FILIP1L: variants seen among roughly 807,000 people sequenced by gnomAD.
The protein encoded by FILIP1L is filamin A-interacting protein 1-like.
Under a neutral mutation model 96.6 loss-of-function variants are expected in FILIP1L, and 55 were observed. That is an observed-to-expected ratio of 0.57 (90% CI 0.46 to 0.71). FILIP1L has a LOEUF of 0.71. FILIP1L is among the 30% of genes least tolerant of loss of function. The pLI is 0.00. For missense variants in FILIP1L, 1,304 were observed against 1,321.2 expected (o/e 0.99, Z 0.20); for synonymous variants, 467 against 473.9 (o/e 0.99, Z 0.19).
chr3:100,088,965 A>C (rs1360137391), intron 1 of FILIP1L, among the ~76,000 whole-genome samples: 1 of 152,136 alleles, frequency 6.6e-6, no homozygotes, highest in East Asian at 1.9e-4. Flanking sequence ...CACTGTTTGC[A>C]TGTACTTGAA....
At chr3:99,858,241 G>A (rs1006447309) in intron 4 of FILIP1L, among the ~76,000 whole-genome samples, 11 of 152,084 alleles carry the variant, frequency 7.2e-5, no homozygotes, top group East Asian at 1.9e-4. Context: ...TGAGGCAGGC[G>A]GATCATGAGG....
intron 1 of FILIP1L, among the ~76,000 whole-genome samples, chr3:99,952,379 T>C (rs1708203028): frequency 6.6e-6 from 1 of 152,216 alleles, no homozygotes; most frequent in Non-Finnish European, 1.5e-5. Context: ...CTTCTGCCAG[T>C]CATTATGTCT....
intron 1 of FILIP1L, among the ~76,000 whole-genome samples, chr3:100,000,576 G>T (rs183635440): frequency 2.6e-5 from 4 of 152,194 alleles, no homozygotes; most frequent in African/African-American, 7.2e-5. Context: ...CTGACCAGGC[G>T]CAGTAGCTTA....
At chr3:99,984,986 A>G (rs1469391775) in intron 1 of FILIP1L, among the ~76,000 whole-genome samples, 2 of 152,210 alleles carry the variant, frequency 1.3e-5, no homozygotes, top group East Asian at 3.8e-4. Flanking sequence ...GAAATGAGAT[A>G]ACTCGTGTTA....
At position 100,062,093 on chromosome 3, in the gene FILIP1L, C is replaced by CTTTTTTTTTTTTT. The variant is rs71907944; in HGVS notation, c.-11+51947_-11+51959dup. Among the ~76,000 whole-genome samples, 60 of 53,178 alleles carry CTTTTTTTTTTTTT rather than the reference C, an allele frequency of 1.1e-3. 16 individuals carry two copies. The highest frequency in any genetic ancestry group is 2.1e-3 in the African/African-American group (24 of 11,244). The allele number at this position is 53,178 out of a possible 152,430, so 34.9% of individuals were successfully genotyped here. ...CCACTTGTGGTTATCCTGTCTTCTT[C>CTTTTTTTTTTTTT]TTTTTTTTTTTTTTTTTTTTTTTTT... On this transcript the variant is annotated intron_variant, in intron 1 of 5. Transcript: ENST00000477258.
chr3:99,966,337 T>C (rs1254825256), intron 1 of FILIP1L, among the ~76,000 whole-genome samples: 1 of 152,130 alleles, frequency 6.6e-6, no homozygotes, highest in East Asian at 1.9e-4. Context: ...TCCTTTCTGT[T>C]TCTTTCATAG....
rs2065961992 is a variant in FILIP1L, at chr3:100,083,495, G to C, written c.-11+30558C>G. ...TCCGTCTGATTCTAATGCACAGCGA[G>C]ATTTCAGAACCATTGTTTCAGACCA... On this transcript the variant is annotated intron_variant, in intron 1 of 5. Transcript: ENST00000477258. 2.0e-5 allele frequency among the ~76,000 whole-genome samples: 3 copies of C among 152,168 alleles called. No homozygotes were observed. The South Asian group carries it at 6.2e-4, about 32-fold the overall frequency.
intron 1 of FILIP1L, among the ~76,000 whole-genome samples, chr3:100,016,998 A>G (rs571482720): frequency 1.3e-5 from 2 of 152,318 alleles, no homozygotes; most frequent in African/African-American, 4.8e-5. Context: ...TTGAACAGTA[A>G]TGGAGATCTT....
intron 5 of FILIP1L, among the ~76,000 whole-genome samples, chr3:99,840,469 G>A (rs1943086517): frequency 6.6e-6 from 1 of 152,040 alleles, no homozygotes; most frequent in South Asian, 2.1e-4. Context: ...TGATCTGCCC[G>A]CTTTGGCCTC....
intron 1 of FILIP1L, among the ~76,000 whole-genome samples, chr3:100,035,685 C>A (rs1330313696): frequency 2.0e-5 from 3 of 152,144 alleles, no homozygotes; most frequent in South Asian, 2.1e-4. Context: ...TTTTATCATT[C>A]TGATATAGGG....
chr3:100,021,966 A>T lies in FILIP1L; in HGVS notation c.-10-90936T>A, dbSNP rs946923965. Among the ~76,000 whole-genome samples the T allele has an allele frequency of 7.5e-3, 837 of 112,268 alleles. 6 individuals carry two copies. The highest frequency in any genetic ancestry group is 0.021 in the African/African-American group (607 of 29,584). 73.7% of individuals were successfully genotyped at this position (112,268 alleles called of 152,430 possible). The stretch of plus-strand genomic sequence containing the variant: ...GTGTGTGTGTGTGTGTGTGTGAGAG[A>T]GAGAGAGAGAGAGAGAGAGAGAGAG... On this transcript the variant is annotated intron_variant, in intron 1 of 5. Transcript: ENST00000477258.
chr3:100,011,065 G>T (rs1290979214), intron 1 of FILIP1L, among the ~76,000 whole-genome samples: 1 of 152,010 alleles, frequency 6.6e-6, no homozygotes, highest in East Asian at 1.9e-4. Flanking sequence ...ATGGTACCAG[G>T]GCTTGTGGTC....
chr3:99,995,948 G>A lies in FILIP1L; in HGVS notation c.-10-64918C>T, dbSNP rs374082098. Among the ~76,000 whole-genome samples the A allele has an allele frequency of 3.1e-4, 47 of 152,332 alleles. No individual in the cohort carries two copies. In the East Asian group the frequency reaches 8.7e-3, roughly 28 times the overall value. ...TGGAGGGGCTTGTGTGAAGACCTCT[G>A]ACATGCCCTGGAGACATTTTCCCCA... On this transcript the variant is annotated intron_variant, in intron 1 of 5. Coordinates refer to ENST00000477258, the MANE Select transcript of FILIP1L (RefSeq NM_001387850.1).
At chr3:99,911,615 A>G (rs1346060197) in intron 4 of FILIP1L, among the ~76,000 whole-genome samples, 3 of 152,022 alleles carry the variant, frequency 2.0e-5, no homozygotes, top group African/African-American at 7.2e-5. Context: ...CTGTGAGTGC[A>G]TTTCTCTGCC....
intron 4 of FILIP1L, among the ~76,000 whole-genome samples, chr3:99,880,054 G>A (rs1003764923): frequency 1.3e-5 from 2 of 152,134 alleles, no homozygotes; most frequent in Non-Finnish European, 2.9e-5. Flanking sequence ...CCATGGATCC[G>A]ATCCTGTGCT....
intron 1 of FILIP1L, among the ~76,000 whole-genome samples, chr3:99,947,368 T>C (rs1576593225): frequency 6.6e-6 from 1 of 152,228 alleles, no homozygotes; most frequent in Admixed American, 6.5e-5. Context: ...ATTTGATAGC[T>C]ACATAGTATT....
Position 99,909,948 on chromosome 3 carries a change from A to G in FILIP1L, c.605+14282T>C, listed in dbSNP as rs1706741558. ...CAACAAGAGCTGTTGTCATCTGACCAAAATGAGTGAGAAATTTCAGTTCTC... is the reference window on the plus strand; with the variant it reads ...CAACAAGAGCTGTTGTCATCTGACCGAAATGAGTGAGAAATTTCAGTTCTC... On this transcript the variant is annotated intron_variant, in intron 4 of 5. Coordinates refer to ENST00000477258, the MANE Select transcript of FILIP1L (RefSeq NM_001387850.1). Among the ~76,000 whole-genome samples the G allele has an allele frequency of 2.2e-5, 3 of 138,448 alleles. 1 individual carries two copies. In the Admixed American group the frequency reaches 2.3e-4, roughly 11 times the overall value. 90.8% of individuals were successfully genotyped at this position (138,448 alleles called of 152,430 possible).
chr3:100,021,670 G>A (rs1403846153), intron 1 of FILIP1L, among the ~76,000 whole-genome samples: 1 of 152,084 alleles, frequency 6.6e-6, no homozygotes, highest in Non-Finnish European at 1.5e-5. Flanking sequence ...AAGTGTCTTG[G>A]TTGCTTATAT....
At chr3:99,891,609 G>A (rs1173297630) in intron 4 of FILIP1L, among the ~76,000 whole-genome samples, 1 of 152,004 alleles carries the variant, frequency 6.6e-6, no homozygotes, top group Non-Finnish European at 1.5e-5. Flanking sequence ...GAGACACTAG[G>A]TTAGGGTAGC....
Sources: gnomAD v4.1 joint callset for allele counts (sites outside exome capture counted in the v4.1 genomes callset) on GRCh38, gnomAD v4.1.1 for gene constraint, MANE v1.5 for transcripts, NCBI Gene and HGNC (gene_info 2026-07-23, HGNC 2026-07-21) for gene names.